Variants in PGBD5 observed in about 807,000 individuals in gnomAD.
PGBD5 encodes piggyBac transposable element derived 5.
PGBD5 carries 14 observed loss-of-function variants against 47.9 expected under a neutral mutation model. That is an observed-to-expected ratio of 0.29 (90% confidence interval 0.19 to 0.46). The LOEUF is 0.46. PGBD5 is among the 20% of genes least tolerant of loss of function. The pLI is 1.00. For synonymous variants in PGBD5, 316 were observed against 306.3 expected, an observed-to-expected ratio of 1.03 and a Z score of -0.33; for missense variants, 635 against 716.0, an observed-to-expected ratio of 0.89 and a Z score of 1.29.
intron 1 of PGBD5, among the ~76,000 whole-genome samples, chr1:230,382,541 T>G (rs909945847): frequency 6.6e-5 from 10 of 152,194 alleles, no homozygotes; most frequent in Non-Finnish European, 1.5e-4. Context: ...CCACTGGATA[T>G]AGGGTGACCA....
At chr1:230,382,650 C>T (rs537529328) in intron 1 of PGBD5, among the ~76,000 whole-genome samples, 4 of 152,302 alleles carry the variant, frequency 2.6e-5, no homozygotes, top group African/African-American at 9.6e-5. Flanking sequence ...GGTTGGTCAC[C>T]TGAGAGGAGG....
At chr1:230,412,468 A>G (rs1363222917) in intron 1 of PGBD5, among the ~76,000 whole-genome samples, 1 of 144,754 alleles carries the variant, frequency 6.9e-6, no homozygotes, top group Non-Finnish European at 1.5e-5. Context: ...GGCTCACTGC[A>G]GGCTCCACCT....
intron 2 of PGBD5, among the ~76,000 whole-genome samples, chr1:230,355,964 A>G (rs1667639030): frequency 6.6e-6 from 1 of 152,212 alleles, no homozygotes; most frequent in Non-Finnish European, 1.5e-5. Flanking sequence ...GGCACGCTAT[A>G]GAGAGTTAGA....
intron 1 of PGBD5, among the ~76,000 whole-genome samples, chr1:230,378,441 A>G (rs973466105): frequency 1.3e-5 from 2 of 152,236 alleles, no homozygotes; most frequent in African/African-American, 4.8e-5. Context: ...AGTTACCTGG[A>G]GCCACATTGC....
chr1:230,379,285 T>C (rs1558205315), intron 1 of PGBD5, among the ~76,000 whole-genome samples: 2 of 152,134 alleles, frequency 1.3e-5, no homozygotes, highest in African/African-American at 2.4e-5. Flanking sequence ...TTTCAACCCC[T>C]GCTCCTCACC....
At chr1:230,376,490 C>T (rs1020378201) in intron 1 of PGBD5, among the ~76,000 whole-genome samples, 12 of 152,214 alleles carry the variant, frequency 7.9e-5, no homozygotes, top group African/African-American at 2.9e-4. Flanking sequence ...TCAATCGGCC[C>T]TTTGTTGGCT....
intron 2 of PGBD5, among the ~76,000 whole-genome samples, chr1:230,352,479 T>C (rs6663029): frequency 0.16 from 24,967 of 152,016 alleles, 3,892 homozygotes; most frequent in African/African-American, 0.41. Context: ...TCCATTCTTC[T>C]AGGAATGGAA....
At chr1:230,387,505 G>C (rs80249250) in intron 1 of PGBD5, among the ~76,000 whole-genome samples, 2 of 152,160 alleles carry the variant, frequency 1.3e-5, no homozygotes, top group Non-Finnish European at 2.9e-5. Context: ...AGGCCAGGCT[G>C]GGGGGAGGCT....
intron 4 of PGBD5, among the ~76,000 whole-genome samples, chr1:230,335,914 GAC>G (rs1415400289): frequency 2.1e-5 from 3 of 146,032 alleles, no homozygotes; most frequent in Admixed American, 6.8e-5. Context: ...CAGACACAAA[GAC>G]ACAGACACAG....
At chr1:230,419,472 G>A (rs1657600452) in intron 1 of PGBD5, among the ~76,000 whole-genome samples, 1 of 152,192 alleles carries the variant, frequency 6.6e-6, no homozygotes, top group Non-Finnish European at 1.5e-5. Context: ...ACCACAGGGT[G>A]ATGGGCTCAA....
intron 1 of PGBD5, among the ~76,000 whole-genome samples, chr1:230,387,220 A>G (rs1353114155): frequency 1.3e-5 from 2 of 152,144 alleles, no homozygotes; most frequent in African/African-American, 4.8e-5. Flanking sequence ...ATAACAAGAG[A>G]TGCGCTTTGA....
chr1:230,377,121 T>G (rs370478442), intron 1 of PGBD5, among the ~76,000 whole-genome samples: 1 of 152,156 alleles, frequency 6.6e-6, no homozygotes, highest in Admixed American at 6.5e-5. Context: ...TAACTCCAAG[T>G]GCATACAGCC....
intron 1 of PGBD5, among the ~76,000 whole-genome samples, chr1:230,377,175 G>A (rs1003100238): frequency 6.6e-6 from 1 of 152,212 alleles, no homozygotes; most frequent in Non-Finnish European, 1.5e-5. Flanking sequence ...AAGGTGCTGA[G>A]ATTGACTACC....
intron 1 of PGBD5, among the ~76,000 whole-genome samples, chr1:230,366,875 G>A (rs748040396): frequency 1.5e-4 from 23 of 152,056 alleles, no homozygotes; most frequent in African/African-American, 3.1e-4. Flanking sequence ...AACAGCCGCC[G>A]TAGCCACCAC....
At chr1:230,330,306 C>G (rs575198505) in intron 5 of PGBD5, among the ~76,000 whole-genome samples, 4 of 152,314 alleles carry the variant, frequency 2.6e-5, no homozygotes, top group African/African-American at 9.6e-5. Flanking sequence ...TGCGGCAACC[C>G]ATCACCAGAA....
At chr1:230,410,810 G>C (rs903872888) in intron 1 of PGBD5, among the ~76,000 whole-genome samples, 1 of 152,016 alleles carries the variant, frequency 6.6e-6, no homozygotes, top group Non-Finnish European at 1.5e-5. Context: ...TTACAAAAAA[G>C]ATAAAAGTTC....
At chr1:230,386,318 T>TAA (rs71846381) in intron 1 of PGBD5, among the ~76,000 whole-genome samples, 4 of 145,602 alleles carry the variant, frequency 2.7e-5, no homozygotes, top group African/African-American at 7.6e-5. Context: ...AACCCTATCT[T>TAA]AAAAAAAAAA....
chr1:230,361,263 G>A (rs1183351174), intron 1 of PGBD5, among the ~76,000 whole-genome samples: 1 of 152,124 alleles, frequency 6.6e-6, no homozygotes, highest in East Asian at 1.9e-4. Context: ...GGGGAAGGGA[G>A]AACCTATGTG....
chr1:230,418,812 T>C (rs1558216772), intron 1 of PGBD5, among the ~76,000 whole-genome samples: 1 of 152,224 alleles, frequency 6.6e-6, no homozygotes, highest in Non-Finnish European at 1.5e-5. Flanking sequence ...ACTCTTTACC[T>C]TGATCTGGGT....
Sources: allele counts gnomAD v4.1 joint callset (sites outside exome capture counted in the v4.1 genomes callset), GRCh38; gene constraint gnomAD v4.1.1; transcripts MANE v1.5; gene names NCBI Gene and HGNC (gene_info 2026-07-23, HGNC 2026-07-21).